Variants in SKIC8 observed in about 807,000 individuals in gnomAD.
The protein encoded by SKIC8 is superkiller complex protein 8.
the SKIC8 span, chr15:78,288,813 T>C: frequency 1.8e-4 from 68 of 373,650 alleles, no homozygotes; most frequent in Non-Finnish European, 3.0e-4. Context: ...AGCACAACAG[T>C]ACGCATAATA....
chr15:78,293,960 A>G, the SKIC8 span, among the ~76,000 whole-genome samples: 1 of 152,196 alleles, frequency 6.6e-6, no homozygotes, highest in Non-Finnish European at 1.5e-5. Context: ...CCCAGTGTGG[A>G]TGTAAAAACG....
the SKIC8 span, among the ~76,000 whole-genome samples, chr15:78,287,283 T>C: frequency 3.3e-5 from 5 of 151,684 alleles, no homozygotes; most frequent in African/African-American, 4.8e-5. Flanking sequence ...TATAACTCTA[T>C]AGAGACATCT....
chr15:78,283,914 A>G, the SKIC8 span: 1 of 158,126 alleles, frequency 6.3e-6, no homozygotes, highest in Non-Finnish European at 1.4e-5. Context: ...CCTATAGGGA[A>G]AGTCACAAAC....
chr15:78,294,500 C>T, the SKIC8 span: 7 of 175,808 alleles, frequency 4.0e-5, no homozygotes, highest in South Asian at 6.5e-4. Context: ...CCCATGCACT[C>T]GGTGGCCTCA....
chr15:78,286,278 C>T, the SKIC8 span: 1 of 658,100 alleles, frequency 1.5e-6, no homozygotes, highest in East Asian at 2.8e-5. Flanking sequence ...ATCAAAAATT[C>T]CTCTTTCAAT....
the SKIC8 span, chr15:78,294,865 G>C: frequency 6.4e-7 from 1 of 1,560,074 alleles, no homozygotes; most frequent in African/African-American, 1.4e-5. Context: ...CTGCATGTCT[G>C]GTCAGCATGA....
the SKIC8 span, chr15:78,293,299 A>G: frequency 6.2e-7 from 1 of 1,601,154 alleles, no homozygotes; most frequent in Non-Finnish European, 8.6e-7. Context: ...TTCATTTATA[A>G]AGTCTTCTTG....
At chr15:78,297,106 A>G in the SKIC8 span, among the ~76,000 whole-genome samples, 46 of 152,344 alleles carry the variant, frequency 3.0e-4, no homozygotes, top group African/African-American at 9.1e-4. Flanking sequence ...TATTTTCTCC[A>G]TAAGACAAAT....
the SKIC8 span, among the ~76,000 whole-genome samples, chr15:78,297,332 G>A: frequency 7.9e-5 from 12 of 152,234 alleles, no homozygotes; most frequent in African/African-American, 1.7e-4. Context: ...AATTTTTCAC[G>A]TGAAAAAATG....
the SKIC8 span, among the ~76,000 whole-genome samples, chr15:78,288,060 A>G: frequency 6.6e-6 from 1 of 152,180 alleles, no homozygotes; most frequent in Non-Finnish European, 1.5e-5. Flanking sequence ...GAGAAAAAGT[A>G]GCAAGTATCT....
the SKIC8 span, chr15:78,295,420 T>TTA: frequency 2.1e-6 from 1 of 470,318 alleles, no homozygotes. Context: ...TTTTTTTTTG[T>TTA]ACAACATCTT....
chr15:78,295,112 G>A, the SKIC8 span: 12 of 948,668 alleles, frequency 1.3e-5, no homozygotes, highest in African/African-American at 8.3e-5. Flanking sequence ...TGGCCATCCC[G>A]CAAGCTCCTT....
the SKIC8 span, chr15:78,289,602 A>T: frequency 6.3e-7 from 1 of 1,578,536 alleles, no homozygotes; most frequent in Non-Finnish European, 8.7e-7. Flanking sequence ...TTGTCAAAAT[A>T]AGATGATGAT....
At chr15:78,293,599 G>A in the SKIC8 span, among the ~76,000 whole-genome samples, 11 of 152,200 alleles carry the variant, frequency 7.2e-5, no homozygotes, top group Admixed American at 7.2e-4. Flanking sequence ...AAAACCAGTG[G>A]GGAAGACCCC....
the SKIC8 span, chr15:78,295,301 C>T: frequency 1.8e-6 from 1 of 549,494 alleles, no homozygotes; most frequent in Non-Finnish European, 3.2e-6. Flanking sequence ...TTAAATTTTG[C>T]AGCTGCAATA....
the SKIC8 span, chr15:78,292,812 G>A: frequency 6.2e-7 from 1 of 1,610,038 alleles, no homozygotes; most frequent in Non-Finnish European, 8.5e-7. Context: ...CAGAGAAATG[G>A]ATTTCTTCAC....
chr15:78,296,961 CTG>C, the SKIC8 span, among the ~76,000 whole-genome samples: 1 of 152,218 alleles, frequency 6.6e-6, no homozygotes, highest in African/African-American at 2.4e-5. Context: ...CTGAAAGCCT[CTG>C]GGCACATTCT....
chr15:78,292,810 T>G, the SKIC8 span: 3 of 1,610,612 alleles, frequency 1.9e-6, no homozygotes, highest in Non-Finnish European at 2.5e-6. Context: ...GACAGAGAAA[T>G]GGATTTCTTC....
chr15:78,283,753 T>C, the SKIC8 span: 13 of 438,316 alleles, frequency 3.0e-5, no homozygotes, highest in Admixed American at 1.9e-4. Context: ...AAAAATCATT[T>C]TTAAATACAG....
Sources: gnomAD v4.1 joint callset for allele counts (sites outside exome capture counted in the v4.1 genomes callset) on GRCh38, gnomAD v4.1.1 for gene constraint, MANE v1.5 for transcripts, NCBI Gene and HGNC (gene_info 2026-07-23, HGNC 2026-07-21) for gene names.